The following SLC14A2 variants were observed in gnomAD, a reference collection of about 807,000 sequenced individuals.
SLC14A2 encodes the protein urea transporter 2.
In SLC14A2, 91 loss-of-function variants were observed where a neutral mutation model predicts 104.6. That is an observed-to-expected ratio of 0.87 (90% CI 0.73 to 1.04). The LOEUF (loss-of-function observed/expected upper bound fraction) is 1.04, where lower values mean the gene tolerates loss of function less well. SLC14A2 is among the 50% of genes least tolerant of loss of function. The pLI, the probability that SLC14A2 is intolerant of heterozygous loss-of-function variation, is 0.00. For missense variants in SLC14A2, 1,189 were observed against 1,156.0 expected, an observed-to-expected ratio of 1.03 and a Z score of -0.41; for synonymous variants, 476 against 466.4, an observed-to-expected ratio of 1.02 and a Z score of -0.27.
chr18:45,293,412 G>A (rs1402609659), intron 1 of SLC14A2, among the ~76,000 whole-genome samples: 2 of 151,980 alleles, frequency 1.3e-5, no homozygotes, highest in Non-Finnish European at 2.9e-5. Context: ...ATTTAATAGG[G>A]GAAGACATAT....
At chr18:45,549,272 C>T (rs1176928458) in intron 2 of SLC14A2, among the ~76,000 whole-genome samples, 2 of 152,194 alleles carry the variant, frequency 1.3e-5, no homozygotes, top group African/African-American at 4.8e-5. Flanking sequence ...CTGGGGTGCC[C>T]CAAAAGAAGG....
chr18:45,527,358 C>T (rs993979897), intron 2 of SLC14A2, among the ~76,000 whole-genome samples: 3 of 152,102 alleles, frequency 2.0e-5, no homozygotes, highest in African/African-American at 7.2e-5. Context: ...CATTTTTTAT[C>T]TCAAAAATCT....
chr18:45,403,353 G>A (rs2086116735), intron 1 of SLC14A2, among the ~76,000 whole-genome samples: 1 of 152,146 alleles, frequency 6.6e-6, no homozygotes, highest in South Asian at 2.1e-4. Context: ...AATTTTAAGA[G>A]CACAAAATTT....
chr18:45,265,131 T>C (rs774150489), intron 1 of SLC14A2, among the ~76,000 whole-genome samples: 4 of 152,174 alleles, frequency 2.6e-5, no homozygotes, highest in Admixed American at 1.3e-4. Context: ...ATTTGGGGTA[T>C]ATAAAACAAC....
intron 1 of SLC14A2, among the ~76,000 whole-genome samples, chr18:45,317,432 T>C (rs930523219): frequency 3.9e-5 from 6 of 152,128 alleles, no homozygotes; most frequent in Non-Finnish European, 8.8e-5. Context: ...AGGAAAACGT[T>C]TGCAACTAGC....
intron 1 of SLC14A2, among the ~76,000 whole-genome samples, chr18:45,379,083 C>T (rs977346485): frequency 1.1e-4 from 16 of 152,124 alleles, no homozygotes; most frequent in Admixed American, 2.6e-4. Flanking sequence ...TACCCAAACC[C>T]GAACAGTGCC....
the SLC14A2 span, among the ~76,000 whole-genome samples, chr18:45,193,976 A>G: frequency 6.6e-6 from 1 of 152,144 alleles, no homozygotes; most frequent in South Asian, 2.1e-4. Context: ...GATGTTATAA[A>G]TGGCATTTCC....
At chr18:45,181,102 G>C in the SLC14A2 span, 1 of 152,556 alleles carries the variant, frequency 6.6e-6, no homozygotes. Flanking sequence ...ACCACTGCAG[G>C]CCATCACTGT....
chr18:45,365,305 G>A (rs2085655656), intron 1 of SLC14A2, among the ~76,000 whole-genome samples: 1 of 152,216 alleles, frequency 6.6e-6, no homozygotes, highest in Non-Finnish European at 1.5e-5. Flanking sequence ...ATCTTGCCTA[G>A]GCAATGGTCA....
chr18:45,562,705 G>A (rs1380103924), intron 2 of SLC14A2, among the ~76,000 whole-genome samples: 2 of 151,948 alleles, frequency 1.3e-5, no homozygotes, highest in Non-Finnish European at 2.9e-5. Context: ...GTCACTTGTT[G>A]ATAGCAATAT....
the SLC14A2 span, among the ~76,000 whole-genome samples, chr18:45,186,463 T>C: frequency 6.6e-6 from 1 of 152,230 alleles, no homozygotes; most frequent in Non-Finnish European, 1.5e-5. Context: ...GATTTAAATG[T>C]AAAACCTGAA....
In SLC14A2 at chr18:45,615,844, AGAGAGAGAGAGAGAGG is replaced by A. The variant is rs2045060988; in HGVS notation, c.-35+275_-35+290del. The stretch of plus-strand genomic sequence containing the variant: ...GTGTGTGTGTGTGTGTGTGAGAGAG[AGAGAGAGAGAGAGAGG>A]GAGAGAGAGAGACTACTACATTGTG... On this transcript the variant is annotated intron_variant, in intron 1 of 19. Transcript: ENST00000255226. 4.0e-5 allele frequency among the ~76,000 whole-genome samples: 6 copies of A among 150,314 alleles called. 1 individual carries two copies. Among genetic ancestry groups the A allele is most frequent in the Admixed American group, 1.3e-4 (2 of 15,156 alleles).
intron 10 of SLC14A2, among the ~76,000 whole-genome samples, chr18:45,656,392 G>A (rs1365992060): frequency 1.3e-5 from 2 of 152,334 alleles, no homozygotes; most frequent in Non-Finnish European, 2.9e-5. Context: ...GCTTGATGAA[G>A]TTGTTGTAAA....
chr18:45,372,419 C>G (rs17744199), intron 1 of SLC14A2, among the ~76,000 whole-genome samples: 68,812 of 151,912 alleles, frequency 0.45, 17,277 homozygotes, highest in African/African-American at 0.68. Context: ...CTGGAAACAT[C>G]TAACATAGCT....
At chr18:45,247,351 G>A (rs1237136066) in intron 1 of SLC14A2, among the ~76,000 whole-genome samples, 1 of 152,250 alleles carries the variant, frequency 6.6e-6, no homozygotes, top group Non-Finnish European at 1.5e-5. Flanking sequence ...AATTGAGCAA[G>A]TAATGTTGAA....
chr18:45,189,293 G>C, the SLC14A2 span, among the ~76,000 whole-genome samples: 1 of 152,048 alleles, frequency 6.6e-6, no homozygotes, highest in African/African-American at 2.4e-5. Flanking sequence ...ATTTTCTTGG[G>C]GTCATGTTAT....
intron 2 of SLC14A2, among the ~76,000 whole-genome samples, chr18:45,574,148 CA>C (rs1250398090): frequency 1.3e-5 from 2 of 152,082 alleles, no homozygotes; most frequent in Non-Finnish European, 2.9e-5. Flanking sequence ...TGTCATGAGT[CA>C]ATTGACAGGA....
At chr18:45,260,290 C>T (rs1011674029) in intron 1 of SLC14A2, among the ~76,000 whole-genome samples, 1 of 152,140 alleles carries the variant, frequency 6.6e-6, no homozygotes, top group African/African-American at 2.4e-5. Flanking sequence ...GTTAGGAAGT[C>T]ACAAGTTGCT....
At chr18:45,285,427 T>A (rs1411512024) in intron 1 of SLC14A2, among the ~76,000 whole-genome samples, 1 of 150,992 alleles carries the variant, frequency 6.6e-6, no homozygotes. Context: ...ACAGATTAAA[T>A]TTTTTTTTTG....
Sources: gnomAD v4.1 joint callset for allele counts (sites outside exome capture counted in the v4.1 genomes callset) on GRCh38, gnomAD v4.1.1 for gene constraint, MANE v1.5 for transcripts, NCBI Gene and HGNC (gene_info 2026-07-23, HGNC 2026-07-21) for gene names.